The following VWF variants were observed in gnomAD, a reference collection of about 807,000 sequenced individuals.
The protein encoded by VWF is von Willebrand factor.
Under a neutral mutation model 308.6 loss-of-function variants are expected in VWF, and 176 were observed. The observed-to-expected ratio is 0.57, with a 90% CI of 0.50 to 0.65. The LOEUF is 0.65. VWF is among the 30% of genes least tolerant of loss of function. VWF has a pLI of 0.00. For missense variants in VWF, 3,146 were observed against 3,648.2 expected (o/e 0.86, Z 3.55); for synonymous variants, 1,385 against 1,443.4 (o/e 0.96, Z 0.92).
chr12:6,098,542 G>C (rs1421339759), intron 5 of VWF, among the ~76,000 whole-genome samples: 1 of 152,156 alleles, frequency 6.6e-6, no homozygotes, highest in Non-Finnish European at 1.5e-5. Flanking sequence ...ACTTTGGGAG[G>C]CCGAGGCGGG....
Position 6,058,121 on chromosome 12 carries a change from T to TTAATAAAA in VWF, c.1534-85_1534-78dup. The stretch of plus-strand genomic sequence containing the variant: ...TAGTTGTTTAGCTAATGAGATGGTT[T>TTAATAAAA]TAATAAAAAAAAAAAAGTTCCCCGG... On this transcript the variant is annotated intron_variant, in intron 13 of 51. Transcript: ENST00000261405. This position sits in a 1 kb window ranked among gnomAD's most constrained non-coding sequence, Gnocchi z 4.9. 1 of 1,530,028 alleles carries TTAATAAAA rather than the reference T, an allele frequency of 6.5e-7. No individual in the cohort carries two copies. Among genetic ancestry groups the TTAATAAAA allele is most frequent in the East Asian group, 2.3e-5 (1 of 43,692 alleles). The allele number at this position is 1,530,028 out of a possible 1,614,324, so 94.8% of individuals were successfully genotyped here.
intron 48 of VWF, among the ~76,000 whole-genome samples, chr12:5,953,233 A>C (rs1393526598): frequency 6.6e-6 from 1 of 150,410 alleles, no homozygotes. Context: ...CTCAAGAAAG[A>C]AAAAAAAAAG....
At position 5,983,171 on chromosome 12, in the gene VWF, A is replaced by C. The variant is rs1439719475; in HGVS notation, c.7060T>G (p.Cys2354Gly). The C allele has an allele frequency of 6.2e-7, 1 of 1,613,900 alleles. No individual in the cohort carries two copies. The highest frequency in any genetic ancestry group is 8.5e-7 in the Non-Finnish European group (1 of 1,179,940). ...TTACCGCAGGTGAAGTTGGGTCTGC[A>C]CTCGCCAGGGTTGGTCAGTGTGGGC... ...LQPTLTNPGECRPNFTCACRK... is the reference protein window; with the variant it reads ...LQPTLTNPGEGRPNFTCACRK... The change falls in exon 41 of 52, where the codon TGC becomes GGC. Residue 2354 changes from cysteine to glycine, a missense_variant. Physicochemically the swap from Cys to Gly is radical, Grantham distance 159. Coordinates refer to ENST00000261405, the MANE Select transcript of VWF (RefSeq NM_000552.5).
At chr12:6,096,813 A>G (rs1170984683) in intron 5 of VWF, among the ~76,000 whole-genome samples, 1 of 152,208 alleles carries the variant, frequency 6.6e-6, no homozygotes, top group Non-Finnish European at 1.5e-5. Flanking sequence ...CTACCTTTGC[A>G]GTATTGGGAT....
Position 5,994,472 on chromosome 12 carries a change from C to T in VWF, c.6199G>A (p.Glu2067Lys), listed in dbSNP as rs1399075543. The T allele has an allele frequency of 6.2e-7, 1 of 1,614,158 alleles. No individual in the cohort carries two copies. Among genetic ancestry groups the T allele is most frequent in the Admixed American group, 1.7e-5 (1 of 60,022 alleles). The part of the protein sequence containing the change: ...HIFTFTPQNN[E>K]FQLQLSPKTF... ...TTGGGGCTGAGCTGCAGTTGGAACT[C>T]ATTGTTTTGTGGAGTGAATGTGAAG... Residue 2067 changes from glutamate to lysine, a missense_variant, in exon 36 of 52, where the codon GAG becomes AAG. Coordinates refer to ENST00000261405, the MANE Select transcript of VWF (RefSeq NM_000552.5).
chr12:5,995,284 A>C (rs1943796680), intron 35 of VWF, among the ~76,000 whole-genome samples: 1 of 152,214 alleles, frequency 6.6e-6, no homozygotes, highest in African/African-American at 2.4e-5. Flanking sequence ...CTCACATTCC[A>C]CAATGAATAT....
chr12:6,033,609 C>T (rs1049473111), intron 20 of VWF, among the ~76,000 whole-genome samples: 1 of 152,234 alleles, frequency 6.6e-6, no homozygotes, highest in Admixed American at 6.5e-5. Context: ...GGGCGCATAT[C>T]CCCCCGGATC....
chr12:6,045,977 C>T (rs185615950), intron 17 of VWF, among the ~76,000 whole-genome samples: 10 of 152,262 alleles, frequency 6.6e-5, no homozygotes, highest in Admixed American at 5.9e-4. Flanking sequence ...AATCCCAGCA[C>T]TTTGGGAGGC....
chr12:6,014,570 A>C (rs1323710927), intron 31 of VWF, among the ~76,000 whole-genome samples: 1 of 152,124 alleles, frequency 6.6e-6, no homozygotes, highest in Non-Finnish European at 1.5e-5. Context: ...AAGGAAGAAG[A>C]ATCAAGGATG....
At chr12:6,073,826 C>A (rs984580197) in intron 7 of VWF, 85 bp from the exon 8 acceptor site, 2 of 1,591,778 alleles carry the variant, frequency 1.3e-6, no homozygotes, top group South Asian at 1.1e-5. Flanking sequence ...CTGAGCCTCT[C>A]GTGCCCACTC....
At chr12:6,069,910 T>C (rs910315098) in intron 10 of VWF, among the ~76,000 whole-genome samples, 1 of 152,158 alleles carries the variant, frequency 6.6e-6, no homozygotes, top group South Asian at 2.1e-4. Context: ...GAATGGACAG[T>C]TGGAAGGATG....
Position 6,082,070 on chromosome 12 carries a change from A to T in VWF, c.658-6519T>A, listed in dbSNP as rs376366494. 5.9e-5 allele frequency among the ~76,000 whole-genome samples: 9 copies of T among 151,766 alleles called. No homozygotes were observed. The South Asian group carries it at 1.7e-3, about 28-fold the overall frequency. On this transcript the variant is annotated intron_variant, in intron 6 of 51. Coordinates refer to ENST00000261405, the MANE Select transcript of VWF (RefSeq NM_000552.5). ...CAACCTCTGCCTCTAGGGTTCAAGC[A>T]ATTCTCTTGCCTCAGCCTCCTGAGT...
At position 5,993,981 on chromosome 12, in the gene VWF, T is replaced by A. The variant is rs779764302; in HGVS notation, c.6479A>T (p.Tyr2160Phe). Reference protein sequence around the residue: ...CHKVLAPATFYAICQQDSCHQ... With the variant: ...CHKVLAPATFFAICQQDSCHQ... ...GCAACTGTCCTGCTGGCAGATGGCA[T>A]AGAATGTGGCTGGAGCCAGGACCTT... is the stretch of plus-strand genomic sequence containing the variant. The change falls in exon 37 of 52, where the codon TAT (tyrosine) becomes TTT (phenylalanine). Residue 2160 changes from tyrosine (Y) to phenylalanine (F), a missense_variant. Transcript: ENST00000261405. 1.2e-6 allele frequency: 2 copies of A among 1,614,130 alleles called. No homozygotes were observed. Among genetic ancestry groups the A allele is most frequent in the Non-Finnish European group, 1.7e-6 (2 of 1,180,026 alleles).
At chr12:6,022,575 G>A (rs146955687) in intron 26 of VWF, among the ~76,000 whole-genome samples, 165 bp downstream of exon 26, 7,474 of 132,940 alleles carry the variant, frequency 0.056, 765 homozygotes, top group African/African-American at 0.21. Flanking sequence ...GAAAAATCAC[G>A]ACTGTCCTGA....
intron 31 of VWF, among the ~76,000 whole-genome samples, chr12:6,015,547 A>C (rs536968868): frequency 3.3e-5 from 5 of 152,134 alleles, no homozygotes; most frequent in Admixed American, 3.3e-4. Context: ...GTCCCAGCTC[A>C]CATCCTGTTG....
Position 6,037,590 on chromosome 12 carries a change from T to G in VWF, c.2443-1099A>C, listed in dbSNP as rs558955149. Among the ~76,000 whole-genome samples, 23 of 152,300 alleles carry G rather than the reference T, an allele frequency of 1.5e-4. No individual in the cohort carries two copies. The East Asian group carries it at 4.4e-3, about 29-fold the overall frequency. ...AGCCAAACCCACTCTGAGCTCAACATGCAGACACGCTTCTGTCCCGACTCC... is the reference window on the plus strand; with the variant it reads ...AGCCAAACCCACTCTGAGCTCAACAGGCAGACACGCTTCTGTCCCGACTCC... On this transcript the variant is annotated intron_variant, in intron 18 of 51. Coordinates refer to ENST00000261405, the MANE Select transcript of VWF (RefSeq NM_000552.5).
intron 5 of VWF, among the ~76,000 whole-genome samples, chr12:6,099,834 A>G (rs936608151): frequency 1.2e-4 from 19 of 152,226 alleles, no homozygotes; most frequent in Non-Finnish European, 2.2e-4. Flanking sequence ...AGGCATGGGC[A>G]AGAACTTCAT....
intron 47 of VWF, among the ~76,000 whole-genome samples, chr12:5,967,168 G>C (rs1034666253): frequency 1.3e-5 from 2 of 152,160 alleles, no homozygotes; most frequent in African/African-American, 2.4e-5. Flanking sequence ...TATTTTCAAA[G>C]AACGGTGGTG....
Position 5,949,894 on chromosome 12 carries a change from G to C in VWF, c.8156-11C>G. ...ACTCAGGCTCCTCACCTACAGGACAGGTGAGAGATGAAACTTGAGGACTGG... is the reference window on the plus strand; with the variant it reads ...ACTCAGGCTCCTCACCTACAGGACACGTGAGAGATGAAACTTGAGGACTGG... On this transcript the variant is annotated splice_polypyrimidine_tract_variant and intron_variant, in intron 50 of 51. Transcript: ENST00000261405. 6.2e-7 allele frequency: 1 copy of C among 1,611,786 alleles called. No individual in the cohort carries two copies. Among genetic ancestry groups the C allele is most frequent in the South Asian group, 1.1e-5 (1 of 91,062 alleles).
Sources: gnomAD v4.1 joint callset for allele counts (sites outside exome capture counted in the v4.1 genomes callset) on GRCh38, gnomAD v4.1.1 for gene constraint, Gnocchi (gnomAD v3.1) non-coding constraint, MANE v1.5 for transcripts, NCBI Gene and HGNC (gene_info 2026-07-23, HGNC 2026-07-21) for gene names.